Variants in PLEKHD1 observed in about 807,000 individuals in gnomAD.
The protein encoded by PLEKHD1 is pleckstrin homology and coiled-coil domain containing D1, also known as pleckstrin homology domain-containing family D member 1.
A neutral mutation model predicts 69.2 loss-of-function variants in PLEKHD1; 51 were observed. The ratio of observed to expected loss-of-function variants is 0.74; its 90% CI spans 0.59 to 0.93. PLEKHD1 has a LOEUF of 0.93. Among genes scored for constraint, PLEKHD1 ranks in the 40% least tolerant of loss-of-function variants. The pLI, the probability that PLEKHD1 is intolerant of heterozygous loss-of-function variation, is 0.00. For missense variants in PLEKHD1, 584 were observed against 641.0 expected (o/e 0.91, Z 0.96); for synonymous variants, 236 against 244.7 (o/e 0.96, Z 0.33).
intron 7 of PLEKHD1, 107 bp downstream of exon 7, chr14:69,522,484 C>T: frequency 3.3e-6 from 4 of 1,206,622 alleles, no homozygotes; most frequent in Non-Finnish European, 4.7e-6. Context: ...GCTATCTTCC[C>T]AAGGCTCCAG....
chr14:69,501,441 A>G, intron 4 of PLEKHD1: 1 of 347,376 alleles, frequency 2.9e-6, no homozygotes, highest in South Asian at 3.9e-5. Context: ...GACATTCAGT[A>G]ATGTAAAAAA....
In PLEKHD1 at chr14:69,500,586, C is replaced by A. The variant is rs1331383187; in HGVS notation, c.253C>A (p.Pro85Thr). 2 of 1,549,918 alleles carry A rather than the reference C, an allele frequency of 1.3e-6. No individual in the cohort carries two copies. The highest frequency in any genetic ancestry group is 4.9e-5 in the East Asian group (2 of 40,914). The stretch of plus-strand genomic sequence containing the variant: ...TCTGGTTCTTCCTCAGGGCGTCATC[C>A]CTCTGGGGGGCTGCCTGGTGGAGCC... ...YFNIHPKGVI[P>T]LGGCLVEPKE... Residue 85 changes from proline to threonine, a missense_variant, in exon 3 of 13, where the codon CCT becomes ACT. Physicochemically the swap from Pro to Thr is conservative, Grantham distance 38 (BLOSUM62 -1). Transcript: ENST00000322564.
chr14:69,521,413 C>T (rs1177776567), intron 6 of PLEKHD1, among the ~76,000 whole-genome samples: 2 of 152,182 alleles, frequency 1.3e-5, no homozygotes, highest in South Asian at 4.1e-4. Flanking sequence ...GCCTCCCTCC[C>T]CAGTGGGGTT....
In PLEKHD1 at chr14:69,526,716, C is replaced by A; in HGVS notation, c.943C>A (p.Arg315Ser). Residue 315 changes from arginine to serine, a missense_variant, in exon 10 of 13, where the codon CGC becomes AGC. By Grantham distance (110) the Arg-to-Ser change is moderately radical (BLOSUM62 -1). Coordinates refer to ENST00000322564, the MANE Select transcript of PLEKHD1 (RefSeq NM_001161498.2). Reference sequence around the variant, plus strand: ...CTACAGGATGAAGGAGAACGAGGAGCGCTCACGGGCCCTGGAGGAGGAGCG... The same window carrying A: ...CTACAGGATGAAGGAGAACGAGGAGAGCTCACGGGCCCTGGAGGAGGAGCG... ...AEKRMKENEE[R>S]SRALEEEREF... 2.6e-6 allele frequency: 4 copies of A among 1,538,104 alleles called. No homozygotes were observed. The highest frequency in any genetic ancestry group is 1.2e-5 in the South Asian group (1 of 82,330).
At chr14:69,497,637 A>G (rs1414749760) in intron 1 of PLEKHD1, among the ~76,000 whole-genome samples, 2 of 152,246 alleles carry the variant, frequency 1.3e-5, no homozygotes, top group Admixed American at 6.5e-5. Context: ...GGCAGGGGAC[A>G]GTGAGCTCGG....
In PLEKHD1 at chr14:69,492,109, C is replaced by T. The variant is rs370826433; in HGVS notation, c.149+6995C>T. Among the ~76,000 whole-genome samples the T allele has an allele frequency of 4.6e-5, 7 of 152,300 alleles. No homozygotes were observed. In the East Asian group the frequency reaches 1.2e-3, roughly 25 times the overall value. On this transcript the variant is annotated intron_variant, in intron 1 of 12. Transcript: ENST00000322564. Reference sequence around the variant, plus strand: ...CTCACTCTGCCCCGCTCTGTCCCTGCTCTCTGACCTTAACTCACTCCTTAC... The same window carrying T: ...CTCACTCTGCCCCGCTCTGTCCCTGTTCTCTGACCTTAACTCACTCCTTAC...
At chr14:69,475,188 T>C in the PLEKHD1 span, among the ~76,000 whole-genome samples, 1 of 152,242 alleles carries the variant, frequency 6.6e-6, no homozygotes, top group Non-Finnish European at 1.5e-5. Flanking sequence ...TTCCCTTAGA[T>C]GTTCTGGGAG....
At chr14:69,499,225 GCA>G (rs10551303) in intron 1 of PLEKHD1, among the ~76,000 whole-genome samples, 59,316 of 143,892 alleles carry the variant, frequency 0.41, 12,628 homozygotes, top group East Asian at 0.57. Context: ...TCTCATACGT[GCA>G]CACACACACA....
chr14:69,474,393 G>A, the PLEKHD1 span, among the ~76,000 whole-genome samples: 1 of 152,288 alleles, frequency 6.6e-6, no homozygotes, highest in South Asian at 2.1e-4. Context: ...GCGACCATGG[G>A]CCAGAGCTAA....
chr14:69,511,560 C>CT (rs1883272754), intron 6 of PLEKHD1, among the ~76,000 whole-genome samples: 1 of 150,914 alleles, frequency 6.6e-6, no homozygotes, highest in Non-Finnish European at 1.5e-5. Flanking sequence ...TCTTTTTTTT[C>CT]TTTTTTTGAG....
chr14:69,480,067 A>G (rs972198565), upstream of PLEKHD1, among the ~76,000 whole-genome samples: 1 of 152,242 alleles, frequency 6.6e-6, no homozygotes, highest in Non-Finnish European at 1.5e-5. Context: ...GGAAGAAAAC[A>G]CATACAGAAA....
At chr14:69,520,046 A>C (rs1188793890) in intron 6 of PLEKHD1, among the ~76,000 whole-genome samples, 1 of 151,950 alleles carries the variant, frequency 6.6e-6, no homozygotes, top group African/African-American at 2.4e-5. Flanking sequence ...GCGCGCCCGT[A>C]ATCCCAGCTA....
In PLEKHD1 at chr14:69,506,891, CTTTTTTTTTTTTTT is replaced by C. The variant is rs1162412450; in HGVS notation, c.555+4027_555+4040del. 2.7e-4 allele frequency among the ~76,000 whole-genome samples: 21 copies of C among 78,066 alleles called. 1 individual carries two copies. Among genetic ancestry groups the C allele is most frequent in the African/African-American group, 1.1e-3 (19 of 17,426 alleles). The allele number at this position is 78,066 out of a possible 152,430, so 51.2% of individuals were successfully genotyped here. A position where few individuals can be genotyped will look rare whatever the true frequency, so the allele number is the denominator to read the frequency against. On this transcript the variant is annotated intron_variant, in intron 6 of 12. Coordinates refer to ENST00000322564, the MANE Select transcript of PLEKHD1 (RefSeq NM_001161498.2). Reference sequence around the variant, plus strand: ...ACTGTCCTAAAAATCCTGGCAACTGCTTTTTTTTTTTTTTTTTTTTTTTTTTTTAAAGACGGAAT... The same window carrying C: ...ACTGTCCTAAAAATCCTGGCAACTGCTTTTTTTTTTTTTTAAAGACGGAAT...
chr14:69,501,307 C>T, intron 4 of PLEKHD1: 1 of 369,640 alleles, frequency 2.7e-6, no homozygotes, highest in East Asian at 5.6e-5. Flanking sequence ...CAGAAATCTC[C>T]TGCCAACCCA....
chr14:69,495,137 T>C (rs1481792264), intron 1 of PLEKHD1, among the ~76,000 whole-genome samples: 21 of 152,184 alleles, frequency 1.4e-4, no homozygotes, highest in Admixed American at 1.4e-3. Context: ...TCCACCTTCC[T>C]TCCCCTGCCC....
intron 1 of PLEKHD1, among the ~76,000 whole-genome samples, chr14:69,497,842 G>C (rs1357991564): frequency 6.6e-6 from 1 of 151,998 alleles, no homozygotes; most frequent in Admixed American, 6.5e-5. Flanking sequence ...CCCTGAGCAG[G>C]GGCCACAGGG....
At chr14:69,467,834 C>T in the PLEKHD1 span, among the ~76,000 whole-genome samples, 1 of 152,184 alleles carries the variant, frequency 6.6e-6, no homozygotes, top group Admixed American at 6.5e-5. Flanking sequence ...TGCTTATTAT[C>T]AACCCTCAAA....
At chr14:69,479,401 A>G in the PLEKHD1 span, among the ~76,000 whole-genome samples, 1 of 152,234 alleles carries the variant, frequency 6.6e-6, no homozygotes, top group South Asian at 2.1e-4. Context: ...TTACAGGATC[A>G]GCTTGGGGCC....
At chr14:69,491,765 G>A (rs1286237146) in intron 1 of PLEKHD1, among the ~76,000 whole-genome samples, 1 of 152,196 alleles carries the variant, frequency 6.6e-6, no homozygotes, top group Non-Finnish European at 1.5e-5. Context: ...GAGGGGGGCA[G>A]AAGATGGGGA....
Sources: gnomAD v4.1 joint callset for allele counts (sites outside exome capture counted in the v4.1 genomes callset) on GRCh38, gnomAD v4.1.1 for gene constraint, MANE v1.5 for transcripts, NCBI Gene and HGNC (gene_info 2026-07-23, HGNC 2026-07-21) for gene names.